POLA1: variants seen among roughly 807,000 people sequenced by gnomAD.
POLA1 encodes DNA polymerase alpha catalytic subunit.
A neutral mutation model predicts 124.0 loss-of-function variants in POLA1; 15 were observed. That is an observed-to-expected ratio of 0.12 (90% CI 0.08 to 0.19). POLA1 has a LOEUF of 0.19. Among genes scored for constraint, POLA1 ranks in the 10% least tolerant of loss-of-function variants. The pLI, the probability that POLA1 is intolerant of heterozygous loss-of-function variation, is 1.00. For synonymous variants in POLA1, 408 were observed against 389.4 expected, an observed-to-expected ratio of 1.05 and a Z score of -0.56; for missense variants, 886 against 1,103.4, an observed-to-expected ratio of 0.80 and a Z score of 2.79.
intron 35 of POLA1, among the ~76,000 whole-genome samples, chrX:24,926,588 A>G (rs2047695013): frequency 8.9e-6 from 1 of 112,211 alleles, no homozygotes; most frequent in Non-Finnish European, 1.9e-5. Context: ...CATCTTCCTC[A>G]GAAATGATTC....
intron 36 of POLA1, among the ~76,000 whole-genome samples, chrX:24,994,762 TG>T (rs766804700): frequency 6.6e-3 from 221 of 33,390 alleles, no homozygotes; most frequent in African/African-American, 0.023. Flanking sequence ...GGATTGGGGG[TG>T]GGGGGGGCGC....
chrX:24,850,138 G>C (rs2046536892), intron 34 of POLA1, among the ~76,000 whole-genome samples: 1 of 111,906 alleles, frequency 8.9e-6, no homozygotes, highest in African/African-American at 3.2e-5. Context: ...TTCATGAATG[G>C]CTGATTTTTG....
intron 26 of POLA1, among the ~76,000 whole-genome samples, chrX:24,755,460 A>C (rs1932551922): frequency 9.0e-6 from 1 of 111,438 alleles, no homozygotes; most frequent in African/African-American, 3.3e-5. Context: ...TTATTAGTTA[A>C]GTTGGGCATC....
chrX:24,698,976 A>G (rs1331563711), intron 1 of POLA1, among the ~76,000 whole-genome samples: 1 of 112,215 alleles, frequency 8.9e-6, no homozygotes, highest in East Asian at 2.8e-4. Flanking sequence ...CATAGTGCCT[A>G]GTACTTTGCA....
At chrX:24,863,015 T>G (rs2046738442) in intron 34 of POLA1, among the ~76,000 whole-genome samples, 1 of 112,235 alleles carries the variant, frequency 8.9e-6, no homozygotes, top group Non-Finnish European at 1.9e-5. Context: ...GCCTTTCTAG[T>G]CATTTTAAAC....
intron 35 of POLA1, among the ~76,000 whole-genome samples, chrX:24,900,721 A>G (rs1335137545): frequency 1.8e-5 from 2 of 111,471 alleles, no homozygotes; most frequent in African/African-American, 3.3e-5. Flanking sequence ...TCCTACTTCT[A>G]TGCAATGGAG....
intron 36 of POLA1, among the ~76,000 whole-genome samples, chrX:24,966,242 CAT>C (rs1305260084): frequency 8.9e-6 from 1 of 111,767 alleles, no homozygotes; most frequent in Admixed American, 9.5e-5. Flanking sequence ...AGTAATAAAA[CAT>C]GTTTTTTTTC....
chrX:24,758,828 C>T (rs188060288), intron 26 of POLA1, among the ~76,000 whole-genome samples: 11 of 111,586 alleles, frequency 9.9e-5, no homozygotes, highest in African/African-American at 1.6e-4. Flanking sequence ...TACAGGCACC[C>T]GCCACCGTGC....
At chrX:24,786,859 A>G (rs1294597996) in intron 26 of POLA1, among the ~76,000 whole-genome samples, 1 of 106,238 alleles carries the variant, frequency 9.4e-6, no homozygotes, top group Non-Finnish European at 1.9e-5. Flanking sequence ...ATGCCCCTCT[A>G]ATTTTTTTTA....
intron 36 of POLA1, among the ~76,000 whole-genome samples, chrX:24,957,397 G>A (rs1342117876): frequency 9.0e-6 from 1 of 111,141 alleles, no homozygotes; most frequent in Non-Finnish European, 1.9e-5. Context: ...TAAGTTGGTA[G>A]AAGAAATGTG....
At chrX:24,816,515 A>G (rs1180857707) in intron 30 of POLA1, among the ~76,000 whole-genome samples, 1 of 112,332 alleles carries the variant, frequency 8.9e-6, no homozygotes, top group Non-Finnish European at 1.9e-5. Context: ...CTCCACTTTA[A>G]GTGATGAAGT....
intron 34 of POLA1, among the ~76,000 whole-genome samples, chrX:24,850,432 C>T (rs1005409058): frequency 1.8e-5 from 2 of 112,405 alleles, no homozygotes; most frequent in East Asian, 2.8e-4. Context: ...AGTTCAGATG[C>T]AGCCATTTAT....
intron 26 of POLA1, among the ~76,000 whole-genome samples, chrX:24,770,420 A>G (rs1227441398): frequency 8.9e-6 from 1 of 112,116 alleles, no homozygotes; most frequent in Non-Finnish European, 1.9e-5. Flanking sequence ...TCTTACTGTG[A>G]GATCCATTGA....
chrX:24,887,877 G>T, intron 34 of POLA1, 129 bp from the exon 35 acceptor site: 1 of 469,482 alleles, frequency 2.1e-6, no homozygotes, highest in Non-Finnish European at 3.8e-6. Flanking sequence ...AGGAGAGAGA[G>T]ATAACTAGAG....
chrX:24,742,328 A>C (rs1187549025), intron 22 of POLA1, among the ~76,000 whole-genome samples: 4 of 112,447 alleles, frequency 3.6e-5, no homozygotes. Flanking sequence ...CTTTGTGCAG[A>C]CAAAATTATT....
At chrX:24,827,021 A>G (rs1208654001) in intron 32 of POLA1, among the ~76,000 whole-genome samples, 4 of 112,147 alleles carry the variant, frequency 3.6e-5, no homozygotes, top group East Asian at 2.8e-4. Context: ...ATGAGAAAAC[A>G]TGGCTTTTTA....
chrX:24,885,166 C>A (rs914976074), intron 34 of POLA1, among the ~76,000 whole-genome samples: 4 of 112,137 alleles, frequency 3.6e-5, no homozygotes, highest in African/African-American at 1.3e-4. Flanking sequence ...TTTCTTATCT[C>A]AAAACCTGAT....
chrX:24,728,529 T>C (rs1930687021), intron 15 of POLA1, among the ~76,000 whole-genome samples: 1 of 112,150 alleles, frequency 8.9e-6, no homozygotes, highest in Non-Finnish European at 1.9e-5. Flanking sequence ...ATTTAATCTA[T>C]GTGCCTCTTG....
intron 36 of POLA1, among the ~76,000 whole-genome samples, chrX:24,990,759 G>A (rs1052909450): frequency 8.9e-6 from 1 of 111,878 alleles, no homozygotes; most frequent in Non-Finnish European, 1.9e-5. Context: ...CAGTTGGAGC[G>A]CGTTTTGTAG....
Sources: allele counts gnomAD v4.1 joint callset (sites outside exome capture counted in the v4.1 genomes callset), GRCh38; gene constraint gnomAD v4.1.1; transcripts MANE v1.5; gene names NCBI Gene and HGNC (gene_info 2026-07-23, HGNC 2026-07-21).